Variants in ABAT observed in about 807,000 individuals in gnomAD.
ABAT encodes the protein 4-aminobutyrate aminotransferase, mitochondrial.
A neutral mutation model predicts 64.6 loss-of-function variants in ABAT; 45 were observed. That is an observed-to-expected ratio of 0.70 (90% confidence interval 0.55 to 0.89). The LOEUF is 0.89. Ranked by LOEUF, ABAT falls within the 40% of genes least tolerant of loss-of-function variation. ABAT has a pLI of 0.00. For synonymous variants in ABAT, 297 were observed against 250.5 expected, an observed-to-expected ratio of 1.19 and a Z score of -1.75; for missense variants, 633 against 658.4, an observed-to-expected ratio of 0.96 and a Z score of 0.42.
chr16:8,733,650 C>G (rs1212306903), intron 1 of ABAT, among the ~76,000 whole-genome samples: 4 of 151,884 alleles, frequency 2.6e-5, no homozygotes, highest in Admixed American at 2.0e-4. Flanking sequence ...GCCAACACAG[C>G]GAAACCCCGT....
At chr16:8,765,835 C>T (rs2059928803) in intron 8 of ABAT, 1 of 189,098 alleles carries the variant, frequency 5.3e-6, no homozygotes, top group African/African-American at 2.3e-5. Context: ...TGTTGCCCAG[C>T]ATGGTCTCAA....
At chr16:8,694,809 G>C (rs1407542854) in intron 1 of ABAT, among the ~76,000 whole-genome samples, 2 of 152,232 alleles carry the variant, frequency 1.3e-5, no homozygotes, top group Non-Finnish European at 2.9e-5. Context: ...CATCCCTGGA[G>C]TAACTTTAGG....
intron 12 of ABAT, 77 bp downstream of exon 12, chr16:8,772,994 A>AC: frequency 1.3e-6 from 2 of 1,593,406 alleles, no homozygotes; most frequent in Non-Finnish European, 1.7e-6. Context: ...GGCCAGCAGC[A>AC]CCTCTGCCTT....
intron 5 of ABAT, among the ~76,000 whole-genome samples, chr16:8,756,491 C>T (rs2059653181): frequency 6.6e-6 from 1 of 152,098 alleles, no homozygotes; most frequent in Admixed American, 6.5e-5. Context: ...TGGTGGTTTA[C>T]TGCACCTATT....
intron 1 of ABAT, among the ~76,000 whole-genome samples, chr16:8,709,977 T>C (rs2058033233): frequency 6.6e-6 from 1 of 152,046 alleles, no homozygotes; most frequent in Non-Finnish European, 1.5e-5. Flanking sequence ...CTGATTTTTG[T>C]ATGTTTGTAT....
At chr16:8,733,212 G>A (rs1166288672) in intron 1 of ABAT, among the ~76,000 whole-genome samples, 19 of 151,002 alleles carry the variant, frequency 1.3e-4, no homozygotes, top group Non-Finnish European at 2.7e-4. Context: ...CCGGGTGGAG[G>A]GGCTCCTCAC....
intron 1 of ABAT, chr16:8,713,910 G>A (rs1168570547): frequency 2.2e-6 from 1 of 456,174 alleles, no homozygotes; most frequent in East Asian, 7.0e-5. Flanking sequence ...ATCCTTACAT[G>A]TGTATGTATT....
chr16:8,773,105 T>TACACACACAC (rs35248639), intron 12 of ABAT, among the ~76,000 whole-genome samples, 188 bp downstream of exon 12: 6,263 of 108,684 alleles, frequency 0.058, 174 homozygotes, highest in South Asian at 0.076. Context: ...CCTAAAACTA[T>TACACACACAC]ACACACACAC....
chr16:8,747,131 C>G (rs543030661), intron 3 of ABAT, among the ~76,000 whole-genome samples: 1 of 152,202 alleles, frequency 6.6e-6, no homozygotes, highest in Non-Finnish European at 1.5e-5. Flanking sequence ...CTGCCTCCTT[C>G]TGCTGGCCAA....
At chr16:8,697,734 C>G (rs2057735318) in intron 1 of ABAT, among the ~76,000 whole-genome samples, 2 of 151,964 alleles carry the variant, frequency 1.3e-5, no homozygotes, top group South Asian at 4.1e-4. Context: ...CTCCCAGGTT[C>G]AAGAGATTCT....
At chr16:8,744,883 A>G (rs1352432302) in intron 2 of ABAT, among the ~76,000 whole-genome samples, 2 of 152,122 alleles carry the variant, frequency 1.3e-5, no homozygotes, top group African/African-American at 2.4e-5. Flanking sequence ...TAAGATGTCA[A>G]CCTCAAAACA....
At chr16:8,762,943 T>TA (rs926499193) in intron 6 of ABAT, among the ~76,000 whole-genome samples, 5 of 151,636 alleles carry the variant, frequency 3.3e-5, no homozygotes, top group South Asian at 4.2e-4. Flanking sequence ...CCTGTCTCTA[T>TA]AAAAAAATAC....
chr16:8,715,792 A>G (rs2058201099), intron 1 of ABAT, among the ~76,000 whole-genome samples: 1 of 152,196 alleles, frequency 6.6e-6, no homozygotes, highest in African/African-American at 2.4e-5. Context: ...TATTTTATTA[A>G]TGGTACCTTC....
chr16:8,769,742 C>T (rs1177871713), intron 11 of ABAT, among the ~76,000 whole-genome samples: 2 of 152,130 alleles, frequency 1.3e-5, no homozygotes, highest in East Asian at 1.9e-4. Context: ...CACCCCCCTA[C>T]CCCCCGTTTC....
intron 1 of ABAT, among the ~76,000 whole-genome samples, chr16:8,675,778 C>A (rs755648041): frequency 1.3e-5 from 2 of 152,244 alleles, no homozygotes; most frequent in African/African-American, 4.8e-5. Flanking sequence ...CGCTCCCTGC[C>A]CCAACACACG....
chr16:8,735,894 G>C, intron 2 of ABAT, 85 bp downstream of exon 2: 1 of 1,193,608 alleles, frequency 8.4e-7, no homozygotes, highest in South Asian at 1.3e-5. Context: ...AGAGCCCTTG[G>C]GGATAAAGGG....
intron 1 of ABAT, among the ~76,000 whole-genome samples, chr16:8,684,409 C>T (rs1049568294): frequency 6.6e-6 from 1 of 152,038 alleles, no homozygotes; most frequent in African/African-American, 2.4e-5. Context: ...CCCGCCTCTA[C>T]AAAAAATACT....
At chr16:8,726,746 T>A (rs1372303137) in intron 1 of ABAT, among the ~76,000 whole-genome samples, 1 of 152,234 alleles carries the variant, frequency 6.6e-6, no homozygotes, top group Non-Finnish European at 1.5e-5. Flanking sequence ...GCTCAATTTT[T>A]AGTTTTTTGA....
intron 1 of ABAT, among the ~76,000 whole-genome samples, chr16:8,690,349 C>T (rs1302243963): frequency 6.6e-6 from 1 of 152,220 alleles, no homozygotes; most frequent in Non-Finnish European, 1.5e-5. Flanking sequence ...CTCTACTCCT[C>T]ACCCGTGGAG....
Sources: gnomAD v4.1 joint callset for allele counts (sites outside exome capture counted in the v4.1 genomes callset) on GRCh38, gnomAD v4.1.1 for gene constraint, MANE v1.5 for transcripts, NCBI Gene and HGNC (gene_info 2026-07-23, HGNC 2026-07-21) for gene names.